The following CDC123 variants were observed in gnomAD, a reference collection of about 807,000 sequenced individuals.
The protein encoded by CDC123 is translation initiation factor eIF2 assembly protein.
In CDC123, 37 loss-of-function variants were observed where a neutral mutation model predicts 54.4. The observed-to-expected ratio is 0.68, with a 90% confidence interval of 0.52 to 0.89. CDC123 has a LOEUF of 0.89. Among genes scored for constraint, CDC123 ranks in the 40% least tolerant of loss-of-function variants. CDC123 has a pLI of 0.00. For synonymous variants in CDC123, 144 were observed against 136.8 expected, an observed-to-expected ratio of 1.05 and a Z score of -0.37; for missense variants, 361 against 412.1, an observed-to-expected ratio of 0.88 and a Z score of 1.07.
At chr10:12,201,763 G>A (rs1339464290) in intron 2 of CDC123, among the ~76,000 whole-genome samples, 1 of 152,180 alleles carries the variant, frequency 6.6e-6, no homozygotes, top group Non-Finnish European at 1.5e-5. Context: ...TCAGATTTCA[G>A]TTTGCAGCTG....
chr10:12,217,292 T>C, intron 5 of CDC123, 69 bp from the exon 6 acceptor site: 1 of 1,481,354 alleles, frequency 6.8e-7, no homozygotes, highest in Non-Finnish European at 9.2e-7. Flanking sequence ...ATTGATTTTG[T>C]TATAGGCCTG....
chr10:12,209,925 C>T, intron 2 of CDC123, 42 bp from the exon 3 acceptor site: 1 of 1,600,338 alleles, frequency 6.2e-7, no homozygotes, highest in Non-Finnish European at 8.6e-7. Context: ...CATGCGGTGC[C>T]CAAGTCCTTT....
intron 2 of CDC123, among the ~76,000 whole-genome samples, chr10:12,201,875 A>C (rs946175673): frequency 3.9e-5 from 6 of 152,116 alleles, no homozygotes; most frequent in Non-Finnish European, 8.8e-5. Flanking sequence ...AGTGGGGTTG[A>C]GGGAGGAAGT....
intron 7 of CDC123, among the ~76,000 whole-genome samples, chr10:12,233,304 C>T (rs987150917): frequency 4.0e-5 from 6 of 151,568 alleles, no homozygotes; most frequent in African/African-American, 1.5e-4. Context: ...CACACACACA[C>T]ACACACACAC....
intron 11 of CDC123, chr10:12,247,806 C>G (rs1251598863): frequency 6.6e-6 from 1 of 152,072 alleles, no homozygotes; most frequent in Non-Finnish European, 1.5e-5. Flanking sequence ...CGAGACCATC[C>G]TGGCTAACAC....
chr10:12,241,535 T>G (rs145039430), intron 10 of CDC123, among the ~76,000 whole-genome samples: 241 of 152,318 alleles, frequency 1.6e-3, no homozygotes, highest in African/African-American at 5.3e-3. Context: ...ATATATTTAT[T>G]TTATACTGTC....
chr10:12,205,518 A>G (rs1835507183), intron 2 of CDC123, among the ~76,000 whole-genome samples: 1 of 152,230 alleles, frequency 6.6e-6, no homozygotes, highest in Non-Finnish European at 1.5e-5. Flanking sequence ...TATAAAATAC[A>G]TTAGGCATAT....
intron 2 of CDC123, among the ~76,000 whole-genome samples, chr10:12,201,183 G>T (rs549019849): frequency 1.3e-5 from 2 of 152,212 alleles, no homozygotes; most frequent in Non-Finnish European, 2.9e-5. Context: ...AACTTACTTT[G>T]TAGGGTCATT....
intron 10 of CDC123, 112 bp downstream of exon 10, chr10:12,238,597 TG>T: frequency 7.6e-7 from 1 of 1,316,136 alleles, no homozygotes; most frequent in Admixed American, 2.5e-5. Context: ...ATATTTTGTC[TG>T]GGTGCAGCAG....
In CDC123 at chr10:12,199,536, C is replaced by T. The variant is rs557377173; in HGVS notation, c.146+760C>T. On this transcript the variant is annotated intron_variant, in intron 2 of 12. Transcript: ENST00000281141. Reference sequence around the variant, plus strand: ...GTTCACCCCAGCTCATGGAACAGTGCCTGATATAGCAGAAGTGCTTGATAA... The same window carrying T: ...GTTCACCCCAGCTCATGGAACAGTGTCTGATATAGCAGAAGTGCTTGATAA... Among the ~76,000 whole-genome samples the T allele has an allele frequency of 1.4e-3, 218 of 152,248 alleles. 1 individual carries two copies. Among genetic ancestry groups the T allele is most frequent in the Admixed American group, 3.0e-3 (46 of 15,288 alleles).
chr10:12,250,546 G>A lies in CDC123; in HGVS notation c.*209G>A, dbSNP rs1457392628. The A allele has an allele frequency of 9.9e-6, 6 of 609,086 alleles. No homozygotes were observed. The highest frequency in any genetic ancestry group is 1.8e-5 in the Non-Finnish European group (6 of 330,484). The allele number at this position is 609,086 out of a possible 1,614,324, so 37.7% of individuals were successfully genotyped here. ...ACATAATAAATAGATCTTAAACATA[G>A]GAAAACCATACTGTTCTGATAATAA... On this transcript the variant is annotated 3_prime_UTR_variant, in exon 13 of 13. Transcript: ENST00000281141.
At chr10:12,208,084 G>A (rs1460544678) in intron 2 of CDC123, among the ~76,000 whole-genome samples, 1 of 152,106 alleles carries the variant, frequency 6.6e-6, no homozygotes, top group Admixed American at 6.5e-5. Flanking sequence ...TTTTCACTCA[G>A]CATTGTCCTT....
chr10:12,214,788 AGTCT>A (rs1485249643), intron 4 of CDC123, among the ~76,000 whole-genome samples: 1 of 151,684 alleles, frequency 6.6e-6, no homozygotes, highest in African/African-American at 2.4e-5. Context: ...TTCAAGATGT[AGTCT>A]GTCTTTTTTT....
chr10:12,245,445 TG>T (rs1836119409), intron 10 of CDC123: 1 of 152,182 alleles, frequency 6.6e-6, no homozygotes, highest in African/African-American at 2.4e-5. Flanking sequence ...TTTGTAGAGA[TG>T]GGGTTTCACC....
intron 7 of CDC123, among the ~76,000 whole-genome samples, chr10:12,231,210 C>G (rs1347020902): frequency 6.6e-6 from 1 of 152,284 alleles, no homozygotes; most frequent in East Asian, 1.9e-4. Context: ...TATACACTTG[C>G]TACAGGATAT....
intron 6 of CDC123, among the ~76,000 whole-genome samples, chr10:12,219,150 C>T (rs558022098): frequency 5.9e-5 from 9 of 152,272 alleles, no homozygotes; most frequent in Admixed American, 2.0e-4. Context: ...AAGTTCACTA[C>T]GTGTCGGTCG....
intron 5 of CDC123, among the ~76,000 whole-genome samples, chr10:12,216,677 C>A (rs770844317): frequency 6.6e-6 from 1 of 152,150 alleles, no homozygotes; most frequent in Non-Finnish European, 1.5e-5. Flanking sequence ...TAGTGGTTTG[C>A]AACTGTTAGT....
At chr10:12,224,169 C>T (rs564460325) in intron 6 of CDC123, among the ~76,000 whole-genome samples, 14 of 150,946 alleles carry the variant, frequency 9.3e-5, no homozygotes, top group Non-Finnish European at 1.6e-4. Flanking sequence ...CAGTTCCATC[C>T]AGGTTGCTGC....
chr10:12,235,329 C>T (rs931418659), intron 8 of CDC123, among the ~76,000 whole-genome samples: 3 of 152,084 alleles, frequency 2.0e-5, no homozygotes, highest in South Asian at 2.1e-4. Context: ...CCGCAGGAAA[C>T]GGTATTGTCA....
Sources: gnomAD v4.1 joint callset for allele counts (sites outside exome capture counted in the v4.1 genomes callset) on GRCh38, gnomAD v4.1.1 for gene constraint, MANE v1.5 for transcripts, NCBI Gene and HGNC (gene_info 2026-07-23, HGNC 2026-07-21) for gene names.